The following LARGE1 variants were observed in gnomAD, a reference collection of about 807,000 sequenced individuals.
The protein encoded by LARGE1 is LARGE xylosyl- and glucuronyltransferase 1, also known as xylosyl- and glucuronyltransferase LARGE1.
LARGE1 carries 43 observed loss-of-function variants against 87.6 expected under a neutral mutation model. The ratio of observed to expected loss-of-function variants is 0.49; its 90% CI spans 0.38 to 0.63. LARGE1 has a LOEUF of 0.63. Among genes scored for constraint, LARGE1 ranks in the 30% least tolerant of loss-of-function variants. LARGE1 has a pLI of 0.00. For missense variants in LARGE1, 802 were observed against 1,000.2 expected (o/e 0.80, Z 2.67); for synonymous variants, 434 against 394.6 (o/e 1.10, Z -1.18).
chr22:33,537,532 G>A (rs1569248994), intron 6 of LARGE1, among the ~76,000 whole-genome samples: 1 of 152,008 alleles, frequency 6.6e-6, no homozygotes. Context: ...TAACTTAATC[G>A]CTTATGTAAA....
chr22:33,399,354 A>G (rs1023731724), intron 7 of LARGE1, among the ~76,000 whole-genome samples: 5 of 152,152 alleles, frequency 3.3e-5, no homozygotes, highest in Non-Finnish European at 7.3e-5. Context: ...CATGGTATAT[A>G]TGTGCCACAT....
At chr22:33,921,883 A>C (rs1015062502), upstream of LARGE1, among the ~76,000 whole-genome samples, 2 of 151,898 alleles carry the variant, frequency 1.3e-5, no homozygotes, top group Admixed American at 1.3e-4. This position sits in a 1 kb window ranked among gnomAD's most constrained non-coding sequence, Gnocchi z 4.1. Context: ...GTGAGAATGG[A>C]TGGAAGGAGG....
chr22:33,466,058 G>A (rs1378004552), intron 6 of LARGE1, among the ~76,000 whole-genome samples: 1 of 151,912 alleles, frequency 6.6e-6, no homozygotes, highest in Admixed American at 6.6e-5. Flanking sequence ...ATATGTCCCC[G>A]CTCATTTCCA....
chr22:33,615,834 G>A (rs567204346), intron 4 of LARGE1, among the ~76,000 whole-genome samples: 1 of 152,186 alleles, frequency 6.6e-6, no homozygotes, highest in South Asian at 2.1e-4. Context: ...AAAAGGACAA[G>A]TAAGCCAATA....
chr22:33,140,755 G>A, the LARGE1 span, among the ~76,000 whole-genome samples: 1 of 152,082 alleles, frequency 6.6e-6, no homozygotes, highest in Non-Finnish European at 1.5e-5. Context: ...TGTACTATTG[G>A]CTTCCCTACT....
intron 12 of LARGE1, among the ~76,000 whole-genome samples, chr22:33,294,292 G>T (rs942495306): frequency 6.6e-6 from 1 of 152,248 alleles, no homozygotes; most frequent in African/African-American, 2.4e-5. Context: ...TCAGAATGCT[G>T]GGAGAGAACC....
chr22:33,660,508 T>G (rs1178252386), intron 2 of LARGE1, among the ~76,000 whole-genome samples: 1 of 152,224 alleles, frequency 6.6e-6, no homozygotes, highest in African/African-American at 2.4e-5. Flanking sequence ...TTGAAGAGCC[T>G]CTGCCCCCAG....
At chr22:33,907,679 T>TGCCTCAGCC (rs1389595046) in intron 1 of LARGE1, among the ~76,000 whole-genome samples, 1 of 152,086 alleles carries the variant, frequency 6.6e-6, no homozygotes, top group African/African-American at 2.4e-5. Flanking sequence ...ACCATTCTCC[T>TGCCTCAGCC]GCCTCAGCCT....
chr22:33,524,494 G>C (rs1304360442), intron 6 of LARGE1, among the ~76,000 whole-genome samples: 1 of 151,880 alleles, frequency 6.6e-6, no homozygotes, highest in East Asian at 1.9e-4. Context: ...CAAAAGAAAT[G>C]TCCAACTCAA....
chr22:33,612,255 C>G (rs1049837134), intron 4 of LARGE1, among the ~76,000 whole-genome samples: 4 of 152,154 alleles, frequency 2.6e-5, no homozygotes, highest in African/African-American at 9.7e-5. Flanking sequence ...AGACACCCAC[C>G]ACCATGCCCG....
chr22:33,854,544 T>C (rs1024293528), intron 1 of LARGE1, among the ~76,000 whole-genome samples: 3 of 152,234 alleles, frequency 2.0e-5, no homozygotes, highest in African/African-American at 2.4e-5. Flanking sequence ...GTAACCTTCA[T>C]AGAAAAGAGA....
intron 11 of LARGE1, among the ~76,000 whole-genome samples, chr22:33,183,382 T>C (rs1923275221): frequency 6.6e-6 from 1 of 152,126 alleles, no homozygotes; most frequent in Non-Finnish European, 1.5e-5. Flanking sequence ...TTGCTGGGAA[T>C]GTGTATTGTT....
the LARGE1 span, among the ~76,000 whole-genome samples, chr22:33,150,204 A>G: frequency 2.0e-5 from 3 of 152,156 alleles, no homozygotes; most frequent in African/African-American, 7.2e-5. Flanking sequence ...GTTCATCGTG[A>G]TTGCTTCCTT....
rs1251104085 is a variant in LARGE1 at position 33,487,839 on chromosome 22, C to G, written c.788-55574G>C. Among the ~76,000 whole-genome samples the G allele has an allele frequency of 2.6e-5, 4 of 152,242 alleles. No individual in the cohort carries two copies. In the South Asian group the frequency reaches 6.2e-4, roughly 24 times the overall value. On this transcript the variant is annotated intron_variant, in intron 6 of 14. Transcript: ENST00000397394. The stretch of plus-strand genomic sequence containing the variant: ...TGTTGAAACTCTGAGCTTCTGTTTC[C>G]CTATCTGCAAAGTGGAGATCATGTT...
At chr22:33,226,472 C>T (rs1425180787) in intron 11 of LARGE1, among the ~76,000 whole-genome samples, 1 of 152,226 alleles carries the variant, frequency 6.6e-6, no homozygotes, top group African/African-American at 2.4e-5. Flanking sequence ...CACATCCACC[C>T]TGTCCCTTCC....
intron 7 of LARGE1, among the ~76,000 whole-genome samples, chr22:33,408,036 A>G (rs2066165332): frequency 6.7e-6 from 1 of 148,812 alleles, no homozygotes; most frequent in South Asian, 2.1e-4. Flanking sequence ...GCTGGAGTGC[A>G]GTGGCACGAT....
intron 10 of LARGE1, among the ~76,000 whole-genome samples, chr22:33,323,847 A>G (rs1936977571): frequency 6.6e-6 from 1 of 152,172 alleles, no homozygotes; most frequent in Non-Finnish European, 1.5e-5. Flanking sequence ...TTATGATTAT[A>G]TTATGTACCT....
At chr22:33,853,394 A>G (rs2063667070) in intron 1 of LARGE1, among the ~76,000 whole-genome samples, 1 of 152,196 alleles carries the variant, frequency 6.6e-6, no homozygotes, top group Admixed American at 6.5e-5. Flanking sequence ...GCAAAGTGTT[A>G]ACTACCAAAT....
chr22:33,555,308 G>A (rs1050980966), intron 6 of LARGE1, among the ~76,000 whole-genome samples: 7 of 152,170 alleles, frequency 4.6e-5, no homozygotes, highest in South Asian at 2.1e-4. Context: ...GGAGCCAGCT[G>A]TATCCTGGTA....
Sources: gnomAD v4.1 joint callset for allele counts (sites outside exome capture counted in the v4.1 genomes callset) on GRCh38, gnomAD v4.1.1 for gene constraint, Gnocchi (gnomAD v3.1) non-coding constraint, MANE v1.5 for transcripts, NCBI Gene and HGNC (gene_info 2026-07-23, HGNC 2026-07-21) for gene names.